Variants in BANK1 observed in about 807,000 individuals in gnomAD.
BANK1 encodes the protein B cell scaffold protein with ankyrin repeats 1.
BANK1 carries 95 observed loss-of-function variants against 94.5 expected under a neutral mutation model. The ratio of observed to expected loss-of-function variants is 1.00; its 90% CI spans 0.85 to 1.19. BANK1 has a LOEUF of 1.19. Among genes scored for constraint, BANK1 ranks in the 50% most tolerant of loss-of-function variants. The pLI is 0.00. For synonymous variants in BANK1, 334 were observed against 308.4 expected (o/e 1.08, Z -0.87); for missense variants, 987 against 932.2 (o/e 1.06, Z -0.77).
At chr4:101,847,489 C>G (rs922418424) in intron 2 of BANK1, among the ~76,000 whole-genome samples, 5 of 151,840 alleles carry the variant, frequency 3.3e-5, no homozygotes, top group Admixed American at 2.6e-4. Flanking sequence ...ACCCATCACC[C>G]AAGCAATATA....
chr4:101,906,873 T>C (rs1722471487), intron 6 of BANK1, among the ~76,000 whole-genome samples: 1 of 152,172 alleles, frequency 6.6e-6, no homozygotes, highest in Admixed American at 6.5e-5. Context: ...CCACCTCAGT[T>C]GGGGAGACCC....
chr4:101,942,693 T>C, intron 7 of BANK1, among the ~76,000 whole-genome samples: 1 of 151,906 alleles, frequency 6.6e-6, no homozygotes, highest in South Asian at 2.1e-4. Context: ...AATCAGACTT[T>C]GTAGCTAATT....
At chr4:101,904,145 TCA>T (rs1722369230) in intron 6 of BANK1, among the ~76,000 whole-genome samples, 3 of 152,242 alleles carry the variant, frequency 2.0e-5, no homozygotes, top group African/African-American at 4.8e-5. Flanking sequence ...TGCAAACTGT[TCA>T]CAGTCTTGCT....
intron 2 of BANK1, among the ~76,000 whole-genome samples, chr4:101,848,436 G>T (rs1727340190): frequency 1.3e-5 from 2 of 151,938 alleles, no homozygotes; most frequent in African/African-American, 4.8e-5. Context: ...TTTCTTTTAG[G>T]CAATAAATTA....
intron 7 of BANK1, among the ~76,000 whole-genome samples, chr4:101,950,052 TGTGTGTGTGC>T (rs1560648523): frequency 9.3e-5 from 11 of 117,978 alleles, no homozygotes; most frequent in East Asian, 6.0e-4. Flanking sequence ...TGTGTGTGTG[TGTGTGTGTGC>T]GCGTGCGCGC....
chr4:101,996,836 C>T (rs147378146), intron 7 of BANK1, among the ~76,000 whole-genome samples: 233 of 152,222 alleles, frequency 1.5e-3, no homozygotes, highest in African/African-American at 4.7e-3. Flanking sequence ...TGGGCTGAGA[C>T]GATGGGGTTT....
At chr4:101,883,085 C>G (rs1243235553) in intron 5 of BANK1, among the ~76,000 whole-genome samples, 2 of 152,092 alleles carry the variant, frequency 1.3e-5, no homozygotes, top group Non-Finnish European at 2.9e-5. Flanking sequence ...TAAGGCATAT[C>G]TATTGAAGCT....
In BANK1 at chr4:101,985,758, T is replaced by C. The variant is rs562654757; in HGVS notation, c.1207-35756T>C. On this transcript the variant is annotated intron_variant, in intron 7 of 16. Coordinates refer to ENST00000322953, the MANE Select transcript of BANK1 (RefSeq NM_017935.5). ...GAAAATAACATGAAATTAAAAAAAA[T>C]AAAAATCTACATTCAACATCTAATA... Among the ~76,000 whole-genome samples the C allele has an allele frequency of 1.8e-4, 28 of 152,180 alleles. 2 individuals are homozygous for C. The South Asian group carries it at 4.4e-3, about 24-fold the overall frequency.
intron 1 of BANK1, among the ~76,000 whole-genome samples, chr4:101,800,770 T>G (rs878881256): frequency 6.6e-6 from 1 of 152,206 alleles, no homozygotes; most frequent in Admixed American, 6.5e-5. Flanking sequence ...TTTTTCAAAT[T>G]TTTTGAGATG....
intron 10 of BANK1, among the ~76,000 whole-genome samples, chr4:102,038,812 G>GA (rs543648887): frequency 5.3e-5 from 8 of 152,042 alleles, no homozygotes; most frequent in Non-Finnish European, 1.2e-4. Context: ...CTTAGTAGTA[G>GA]AAAAAAAGAT....
chr4:101,908,714 AAAAC>A lies in BANK1; in HGVS notation c.1010-9272_1010-9269del, dbSNP rs1489006624. The stretch of plus-strand genomic sequence containing the variant: ...TGAACTCAAACAAATTTACAAGAAA[AAAAC>A]AAACAACCCCATCAAAAAGTGGGCG... On this transcript the variant is annotated intron_variant, in intron 6 of 16. Transcript: ENST00000322953. Among the ~76,000 whole-genome samples the A allele has an allele frequency of 3.3e-5, 5 of 152,212 alleles. No individual in the cohort carries two copies. In the East Asian group the frequency reaches 5.8e-4, roughly 18 times the overall value.
intron 7 of BANK1, among the ~76,000 whole-genome samples, chr4:102,018,541 C>T (rs1726788713): frequency 1.3e-5 from 2 of 152,190 alleles, no homozygotes; most frequent in South Asian, 4.1e-4. Flanking sequence ...ACTTCATATA[C>T]CTCAGTCAAC....
rs68027862 is a variant in BANK1, at chr4:101,922,009, CGTGTGTGTGT to C, written c.1206+3858_1206+3867del. Among the ~76,000 whole-genome samples, 384 of 129,446 alleles carry C rather than the reference CGTGTGTGTGT, an allele frequency of 3.0e-3. 3 individuals carry two copies. Among genetic ancestry groups the C allele is most frequent in the African/African-American group, 0.01 (335 of 32,972 alleles). 84.9% of individuals were successfully genotyped at this position (129,446 alleles called of 152,430 possible). On this transcript the variant is annotated intron_variant, in intron 7 of 16. Transcript: ENST00000322953. ...TCTTTGTCCCTGTGGACACTGGGCC[CGTGTGTGTGT>C]GTGTGTGTGTGTGTGTGTGTGTGTG...
chr4:101,801,165 T>G (rs1382281400), intron 1 of BANK1, among the ~76,000 whole-genome samples: 1 of 152,204 alleles, frequency 6.6e-6, no homozygotes, highest in Non-Finnish European at 1.5e-5. Flanking sequence ...CTGGTTCAAA[T>G]TGTGATGTGC....
chr4:102,045,153 T>G (rs373200400), intron 11 of BANK1, among the ~76,000 whole-genome samples: 14 of 152,170 alleles, frequency 9.2e-5, no homozygotes, highest in Non-Finnish European at 1.0e-4. Context: ...TCTAGGGTTT[T>G]TATGGTTTTA....
At chr4:102,002,159 A>G (rs1726099956) in intron 7 of BANK1, among the ~76,000 whole-genome samples, 1 of 152,168 alleles carries the variant, frequency 6.6e-6, no homozygotes, top group Admixed American at 6.5e-5. Context: ...TATATGTACC[A>G]TCTTATCCTG....
At chr4:101,939,009 G>A (rs147758554) in intron 7 of BANK1, among the ~76,000 whole-genome samples, 2 of 151,786 alleles carry the variant, frequency 1.3e-5, no homozygotes, top group Admixed American at 6.6e-5. Flanking sequence ...CTGAGACGCA[G>A]CATTTCCTGA....
intron 7 of BANK1, among the ~76,000 whole-genome samples, chr4:102,017,323 G>T (rs961056985): frequency 6.6e-6 from 1 of 152,184 alleles, no homozygotes; most frequent in African/African-American, 2.4e-5. Flanking sequence ...CAACTATGGT[G>T]GGCTTGAAAC....
intron 7 of BANK1, among the ~76,000 whole-genome samples, chr4:101,994,512 A>T (rs77764852): frequency 0.018 from 2,717 of 152,128 alleles, 72 homozygotes; most frequent in East Asian, 0.13. Context: ...TGTTTTTTTA[A>T]AAAATATAAT....
Sources: allele counts gnomAD v4.1 joint callset (sites outside exome capture counted in the v4.1 genomes callset), GRCh38; gene constraint gnomAD v4.1.1; transcripts MANE v1.5; gene names NCBI Gene and HGNC (gene_info 2026-07-23, HGNC 2026-07-21).